SOHLH2: variants seen among roughly 807,000 people sequenced by gnomAD.
The protein encoded by SOHLH2 is spermatogenesis- and oogenesis-specific basic helix-loop-helix-containing protein 2.
A neutral mutation model predicts 50.4 loss-of-function variants in SOHLH2; 22 were observed. The observed-to-expected ratio is 0.44, with a 90% CI of 0.31 to 0.62. The LOEUF (loss-of-function observed/expected upper bound fraction) is 0.62. Ranked by LOEUF, SOHLH2 falls within the 20% of genes least tolerant of loss-of-function variation. The pLI, the probability that SOHLH2 is intolerant of heterozygous loss-of-function variation, is 0.08. For synonymous variants in SOHLH2, 185 were observed against 187.3 expected, an observed-to-expected ratio of 0.99 and a Z score of 0.10; for missense variants, 412 against 504.4, an observed-to-expected ratio of 0.82 and a Z score of 1.76.
At chr13:36,184,459 C>CTTTTTTTTTTTTTTTTTTTTTTTTTTTTT (rs764218457) in intron 6 of SOHLH2, among the ~76,000 whole-genome samples, 4 of 81,668 alleles carry the variant, frequency 4.9e-5, no homozygotes, top group African/African-American at 2.0e-4. Context: ...CCTACAAAGA[C>CTTTTTTTTTTTTTTTTTTTTTTTTTTTTT]CTTTTTTTTT....
chr13:36,195,506 T>C (rs1749726045), intron 2 of SOHLH2, among the ~76,000 whole-genome samples: 2 of 152,040 alleles, frequency 1.3e-5, no homozygotes, highest in Non-Finnish European at 2.9e-5. Context: ...CAGGAAAGGT[T>C]TGGTATTGAA....
intron 1 of SOHLH2, among the ~76,000 whole-genome samples, chr13:36,210,418 T>C (rs1467182804): frequency 1.3e-5 from 2 of 152,144 alleles, no homozygotes; most frequent in East Asian, 3.8e-4. Context: ...ATTTGCTTTC[T>C]AAATGTCACA....
intron 1 of SOHLH2, 72 bp downstream of exon 1, chr13:36,214,407 G>T: frequency 6.5e-7 from 1 of 1,549,946 alleles, no homozygotes; most frequent in South Asian, 1.2e-5. Context: ...TTTGAGGGCC[G>T]AGGGGACCAC....
chr13:36,189,840 T>C, intron 6 of SOHLH2, 106 bp downstream of exon 6: 3 of 1,118,082 alleles, frequency 2.7e-6, no homozygotes, highest in African/African-American at 3.2e-5. Flanking sequence ...TTTGCTAAGT[T>C]TACTAGTTTC....
chr13:36,179,380 C>T (rs1461355981), intron 6 of SOHLH2, among the ~76,000 whole-genome samples: 2 of 151,942 alleles, frequency 1.3e-5, no homozygotes, highest in Non-Finnish European at 2.9e-5. Flanking sequence ...TGGTTTTTCT[C>T]CTTTATTCTG....
chr13:36,176,070 G>T (rs1802461137), intron 6 of SOHLH2, among the ~76,000 whole-genome samples: 1 of 152,102 alleles, frequency 6.6e-6, no homozygotes, highest in African/African-American at 2.4e-5. Context: ...TACATTATTA[G>T]TTCAGTAGAA....
intron 2 of SOHLH2, among the ~76,000 whole-genome samples, chr13:36,200,962 T>C (rs1887883555): frequency 7.1e-6 from 1 of 141,446 alleles, no homozygotes; most frequent in Admixed American, 7.7e-5. Flanking sequence ...GGCAGGAGAA[T>C]CACTTGAACC....
At chr13:36,183,898 T>A (rs1593942173) in intron 6 of SOHLH2, among the ~76,000 whole-genome samples, 2 of 151,990 alleles carry the variant, frequency 1.3e-5, no homozygotes, top group African/African-American at 4.8e-5. Context: ...TCAAACTACA[T>A]GAAGCAAAAA....
At chr13:36,182,284 G>A in intron 6 of SOHLH2, 2 of 985,390 alleles carry the variant, frequency 2.0e-6, no homozygotes, top group Non-Finnish European at 2.4e-6. Flanking sequence ...ACAAGAATCT[G>A]AAATTTGGGT....
At position 36,193,846 on chromosome 13, in the gene SOHLH2, T is replaced by C. The variant is rs540831042; in HGVS notation, c.285A>G (p.Thr95=). The C allele has an allele frequency of 3.7e-6, 6 of 1,601,532 alleles. No homozygotes were observed. The highest frequency in any genetic ancestry group is 5.1e-6 in the Non-Finnish European group (6 of 1,176,944). The change falls in exon 3 of 11, where the codon ACA becomes ACG. Residue 95 remains threonine (T), a synonymous_variant. Coordinates refer to ENST00000379881, the MANE Select transcript of SOHLH2 (RefSeq NM_017826.3). ...KLIRFGKKKN[T]HSLFVFIIPE... ...GGATTATAAAAACAAACAGTGAATG[T>C]GTATTTTTCTTTTTGCCAAATCTGA...
At chr13:36,184,264 AAAG>A (rs1206070131) in intron 6 of SOHLH2, among the ~76,000 whole-genome samples, 9 of 152,178 alleles carry the variant, frequency 5.9e-5, no homozygotes. Flanking sequence ...TTACTAGTGA[AAAG>A]AAAAAAATCA....
At chr13:36,207,880 T>A (rs1246104424) in intron 1 of SOHLH2, among the ~76,000 whole-genome samples, 1 of 152,160 alleles carries the variant, frequency 6.6e-6, no homozygotes, top group Non-Finnish European at 1.5e-5. Context: ...AGCGCCCCCT[T>A]CTTATGGTGT....
intron 6 of SOHLH2, among the ~76,000 whole-genome samples, chr13:36,184,528 C>T (rs1250135360): frequency 7.1e-5 from 10 of 141,426 alleles, no homozygotes; most frequent in East Asian, 4.2e-4. Flanking sequence ...GGCGCTATCT[C>T]GGCTCACTGC....
chr13:36,173,655 C>G, intron 9 of SOHLH2, 37 bp downstream of exon 9: 1 of 1,610,290 alleles, frequency 6.2e-7, no homozygotes, highest in Non-Finnish European at 8.5e-7. Flanking sequence ...CAGGGCAGGT[C>G]CCCCTCTAAG....
intron 6 of SOHLH2, among the ~76,000 whole-genome samples, chr13:36,175,854 G>A (rs1412377395): frequency 6.6e-6 from 1 of 152,134 alleles, no homozygotes; most frequent in Non-Finnish European, 1.5e-5. Flanking sequence ...AAGGATAGAA[G>A]AGTCAACAAT....
At chr13:36,197,650 G>A (rs1191383914) in intron 2 of SOHLH2, among the ~76,000 whole-genome samples, 1 of 152,076 alleles carries the variant, frequency 6.6e-6, no homozygotes, top group Non-Finnish European at 1.5e-5. Flanking sequence ...TCTGTCCGTG[G>A]GCTAAATGCG....
intron 9 of SOHLH2, among the ~76,000 whole-genome samples, chr13:36,172,961 T>C (rs1376151035): frequency 5.3e-5 from 8 of 152,224 alleles, no homozygotes; most frequent in Admixed American, 5.2e-4. Context: ...AGTCACAAAC[T>C]GCTAGCTGTG....
intron 10 of SOHLH2, among the ~76,000 whole-genome samples, chr13:36,169,396 T>C (rs982169309): frequency 6.6e-6 from 1 of 152,188 alleles, no homozygotes; most frequent in Admixed American, 6.5e-5. Flanking sequence ...TATTTTAACA[T>C]TTCTTCGCAA....
chr13:36,182,204 A>T (rs911215225), intron 6 of SOHLH2: 1 of 985,428 alleles, frequency 1.0e-6, no homozygotes, highest in Non-Finnish European at 1.2e-6. Context: ...ATACAGGGAA[A>T]TTCATGGGGA....
Sources: allele counts gnomAD v4.1 joint callset (sites outside exome capture counted in the v4.1 genomes callset), GRCh38; gene constraint gnomAD v4.1.1; transcripts MANE v1.5; gene names NCBI Gene and HGNC (gene_info 2026-07-23, HGNC 2026-07-21).